Variants in ADCY6 observed in about 807,000 individuals in gnomAD.
ADCY6 encodes adenylate cyclase type 6.
A neutral mutation model predicts 111.6 loss-of-function variants in ADCY6; 59 were observed. That is an observed-to-expected ratio of 0.53 (90% CI 0.43 to 0.66). ADCY6 has a LOEUF of 0.66. ADCY6 is among the 30% of genes least tolerant of loss of function. ADCY6 has a pLI of 0.00. For missense variants in ADCY6, 1,242 were observed against 1,595.6 expected, an observed-to-expected ratio of 0.78 and a Z score of 3.78; for synonymous variants, 576 against 642.9, an observed-to-expected ratio of 0.90 and a Z score of 1.57.
At position 48,775,362 on chromosome 12, in the gene ADCY6, G is replaced by T. The variant is rs754255254; in HGVS notation, c.1921C>A (p.Arg641=). Residue 641 remains arginine (R), a synonymous_variant, in exon 11 of 22, where the codon CGG becomes AGG. Transcript: ENST00000357869. The part of the protein sequence containing the change: ...AIDARSIDQL[R]KDHVRRFLLT... ...AGAAACCGGCGCACATGGTCCTTCC[G>T]CAGCTGATCAATGCTGCGGGCATCG... 6.2e-7 allele frequency: 1 copy of T among 1,613,966 alleles called. No individual in the cohort carries two copies. The highest frequency in any genetic ancestry group is 8.5e-7 in the Non-Finnish European group (1 of 1,180,026).
In ADCY6 at chr12:48,766,566, A is replaced by T. The variant is rs1428236077; in HGVS notation, c.*2025T>A. ...CCAGGGATATGGCTGGGGACAGGGG[A>T]GTAGATTTTCTGTCTGGAAAACAAG... On this transcript the variant is annotated 3_prime_UTR_variant, in exon 22 of 22. Transcript: ENST00000357869. The T allele has an allele frequency of 2.0e-5, 3 of 152,646 alleles. No individual in the cohort carries two copies. The highest frequency in any genetic ancestry group is 7.2e-5 in the African/African-American group (3 of 41,424). 9.5% of individuals were successfully genotyped at this position (152,646 alleles called of 1,614,324 possible). A position where few individuals can be genotyped will look rare whatever the true frequency, so the allele number is the denominator to read the frequency against.
rs1203660684 is a variant in ADCY6, at chr12:48,773,640, A to G, written c.2450T>C (p.Ile817Thr). The G allele has an allele frequency of 5.6e-6, 9 of 1,613,940 alleles. No individual in the cohort carries two copies. The highest frequency in any genetic ancestry group is 3.3e-5 in the Admixed American group (2 of 60,006). Reference sequence around the variant, plus strand: ...CAAGAGACTCAGCAGCATGTTCCCGATGAAGTACTGCGGGGGTGGCAGAGG... The same window carrying G: ...CAAGAGACTCAGCAGCATGTTCCCGGTGAAGTACTGCGGGGGTGGCAGAGG... ...MPTCSFPEYFIGNMLLSLLAS... is the reference protein window; with the variant it reads ...MPTCSFPEYFTGNMLLSLLAS... Residue 817 changes from isoleucine to threonine, a missense_variant, in exon 16 of 22, where the codon ATC (isoleucine) becomes ACC (threonine). Around this residue, in one of 4 missense-constraint regions of ADCY6, gnomAD observed 375 missense variants for 432.5 expected, o/e 0.87. Coordinates refer to ENST00000357869, the MANE Select transcript of ADCY6 (RefSeq NM_015270.5).
Position 48,783,321 on chromosome 12 carries a change from G to C in ADCY6, c.114C>G (p.Phe38Leu). 1 of 1,613,878 alleles carries C rather than the reference G, an allele frequency of 6.2e-7. No homozygotes were observed. The highest frequency in any genetic ancestry group is 8.5e-7 in the Non-Finnish European group (1 of 1,179,948). The stretch of plus-strand genomic sequence containing the variant: ...GGCAGCTCATATAGCGGGGCGTGCA[G>C]AAGCCACCTGCCCGAGTGCCACGGC... ...SRRRGTRAGGFCTPRYMSCLR... is the reference protein window; with the variant it reads ...SRRRGTRAGGLCTPRYMSCLR... The change falls in exon 2 of 22, where the codon TTC becomes TTG. Residue 38 changes from phenylalanine (F) to leucine (L), a missense_variant. Phe to Leu is a conservative substitution (Grantham distance 22). Coordinates refer to ENST00000357869, the MANE Select transcript of ADCY6 (RefSeq NM_015270.5).
chr12:48,775,273 C>G (rs757301490), intron 11 of ADCY6, 30 bp downstream of exon 11: 17 of 1,613,298 alleles, frequency 1.1e-5, no homozygotes, highest in Non-Finnish European at 1.3e-5. Flanking sequence ...CTCCCCCAGC[C>G]CTTGTCCTTC....
chr12:48,786,615 G>A (rs1288482038), intron 1 of ADCY6, among the ~76,000 whole-genome samples: 4 of 152,112 alleles, frequency 2.6e-5, no homozygotes, highest in Non-Finnish European at 5.9e-5. Flanking sequence ...TGCCTGTCTC[G>A]GCCTCCCAAA....
chr12:48,772,864 C>G (rs1353105699), intron 16 of ADCY6, among the ~76,000 whole-genome samples: 1 of 152,114 alleles, frequency 6.6e-6, no homozygotes, highest in Non-Finnish European at 1.5e-5. Context: ...ATATAGTCAG[C>G]CTTCCATAAA....
chr12:48,777,073 C>T lies in ADCY6; in HGVS notation c.1376+31G>A. 2 of 1,552,666 alleles carry T rather than the reference C, an allele frequency of 1.3e-6. No individual in the cohort carries two copies. Among genetic ancestry groups the T allele is most frequent in the Non-Finnish European group, 1.7e-6 (2 of 1,148,306 alleles). On this transcript the variant is annotated intron_variant, in intron 6 of 21. Transcript: ENST00000357869. This position sits in a 1 kb window ranked among gnomAD's most constrained non-coding sequence, Gnocchi z 4.9. ...GGAGCAGTCTGGGGCACCCGCAATT[C>T]CAGGAAGCCTAGGAATGGGGCACTG...
In ADCY6 at chr12:48,771,460, AT is replaced by A. The variant is rs1941539003; in HGVS notation, c.3051+249del. On this transcript the variant is annotated intron_variant, in intron 19 of 21. Coordinates refer to ENST00000357869, the MANE Select transcript of ADCY6 (RefSeq NM_015270.5). The surrounding 1 kb of genome is among the most constrained non-coding windows in gnomAD (Gnocchi z 4.3). ...GTGACATCCACCTGGTACCTATCCT[AT>A]CCCCCTACAGATCAAGTCCTCCCCT... is the stretch of plus-strand genomic sequence containing the variant. The A allele has an allele frequency of 1.6e-6, 1 of 623,246 alleles. No homozygotes were observed. Among genetic ancestry groups the A allele is most frequent in the Non-Finnish European group, 2.9e-6 (1 of 344,988 alleles). The allele number at this position is 623,246 out of a possible 1,614,324, so 38.6% of individuals were successfully genotyped here. A position where few individuals can be genotyped will look rare whatever the true frequency, so the allele number is the denominator to read the frequency against.
chr12:48,774,476 G>A lies in ADCY6; in HGVS notation c.2209C>T (p.Arg737Cys), dbSNP rs762225071. The A allele has an allele frequency of 2.7e-5, 43 of 1,613,862 alleles. No homozygotes were observed. Among genetic ancestry groups the A allele is most frequent in the Admixed American group, 5.0e-5 (3 of 59,974 alleles). The stretch of plus-strand genomic sequence containing the variant: ...ACTGCGGTGCTATGTGCCCGTGAGC[G>A]GACAATGCTGCGGGACAGACGTTGC... ...ALQRLSRSIV[R>C]SRAHSTAVGI... Residue 737 changes from arginine (R) to cysteine (C), a missense_variant, in exon 14 of 22, where the codon CGC (arginine) becomes TGC (cysteine). Physicochemically the swap from Arg to Cys is radical, Grantham distance 180. This residue lies in a region of ADCY6 where 375 missense variants were observed against 432.5 expected (regional missense o/e 0.87). Transcript: ENST00000357869.
At chr12:48,781,598 C>G (rs1049214363) in intron 2 of ADCY6, among the ~76,000 whole-genome samples, 1 of 152,320 alleles carries the variant, frequency 6.6e-6, no homozygotes, top group Admixed American at 6.5e-5. Flanking sequence ...TCCCTGCCCC[C>G]AGGTGTGAAC....
chr12:48,780,615 T>C (rs1489317507), intron 2 of ADCY6, among the ~76,000 whole-genome samples: 2 of 151,958 alleles, frequency 1.3e-5, no homozygotes, highest in African/African-American at 4.8e-5. Context: ...GGACTGCACC[T>C]CCCCAGTCAG....
Position 48,776,627 on chromosome 12 carries a change from C to T in ADCY6, c.1377-41G>A. 6.4e-7 allele frequency: 1 copy of T among 1,573,912 alleles called. No individual in the cohort carries two copies. Among genetic ancestry groups the T allele is most frequent in the Non-Finnish European group, 8.6e-7 (1 of 1,163,182 alleles). Reference sequence around the variant, plus strand: ...CCCAGATCAGCTCCTGGCAGTCTTCCCCTCCCCCAGCCCACAACCCAGGCC... The same window carrying T: ...CCCAGATCAGCTCCTGGCAGTCTTCTCCTCCCCCAGCCCACAACCCAGGCC... On this transcript the variant is annotated intron_variant, in intron 6 of 21. Transcript: ENST00000357869. The surrounding 1 kb of genome is among the most constrained non-coding windows in gnomAD (Gnocchi z 6.1).
At position 48,777,471 on chromosome 12, in the gene ADCY6, G is replaced by A. The variant is rs1176014992; in HGVS notation, c.1187C>T (p.Thr396Ile). The A allele has an allele frequency of 6.2e-6, 10 of 1,613,118 alleles. No homozygotes were observed. Among genetic ancestry groups the A allele is most frequent in the African/African-American group, 2.7e-5 (2 of 74,046 alleles). Residue 396 changes from threonine to isoleucine, a missense_variant, in exon 5 of 22, where the codon ACT (threonine) becomes ATT (isoleucine). Transcript: ENST00000357869. This position sits in a 1 kb window ranked among gnomAD's most constrained non-coding sequence, Gnocchi z 4.9. Reference protein sequence around the residue: ...EGFTSLASQCTAQELVMTLNE... With the variant: ...EGFTSLASQCIAQELVMTLNE... ...CAGGGTCATGACCAGCTCCTGCGCA[G>A]TGCACTGGGATGCCAGGCTGGTGAA...
In ADCY6 at chr12:48,788,976, G is replaced by C. The variant is rs1366713955; in HGVS notation, c.-75C>G. ...CCCCGCGGGCTCCGGCCGGCCGGCC[G>C]GCCGTCCCGCGGTCCTCCGAGCCCG... On this transcript the variant is annotated 5_prime_UTR_variant, in exon 1 of 22. Transcript: ENST00000357869. 9.4e-6 allele frequency: 1 copy of C among 106,512 alleles called. No homozygotes were observed. The highest frequency in any genetic ancestry group is 1.8e-5 in the Non-Finnish European group (1 of 55,382). The allele number at this position is 106,512 out of a possible 1,614,324, so 6.6% of individuals were successfully genotyped here. A position where few individuals can be genotyped will look rare whatever the true frequency, so the allele number is the denominator to read the frequency against.
At position 48,768,604 on chromosome 12, in the gene ADCY6, C is replaced by A; in HGVS notation, c.3494G>T (p.Gly1165Val). The change falls in exon 22 of 22, where the codon GGC (glycine) becomes GTC (valine). Residue 1165 changes from glycine (G) to valine (V), a missense_variant. Gly to Val is a moderately radical substitution (Grantham distance 109, BLOSUM62 -3). This residue lies in a region of ADCY6 where 245 missense variants were observed against 371.3 expected (regional missense o/e 0.66). Coordinates refer to ENST00000357869, the MANE Select transcript of ADCY6 (RefSeq NM_015270.5). ...GGCTGGGCCCTGTTAACTGCTGGGG[C>A]CCCCATTGAGGAAGTAGGTGGTCAT... Reference protein sequence around the residue: ...GEMTTYFLNGGPSS With the variant: ...GEMTTYFLNGVPSS 1.2e-6 allele frequency: 2 copies of A among 1,614,082 alleles called. No individual in the cohort carries two copies. Among genetic ancestry groups the A allele is most frequent in the Non-Finnish European group, 1.7e-6 (2 of 1,179,970 alleles).
rs371352626 is a variant in ADCY6, at chr12:48,771,890, C to G, written c.2871G>C (p.Ala957=). The part of the protein sequence containing the change: ...LLHNILPKDV[A]AHFLARERRN... ...GGCGCTCCCGGGCCAGGAAGTGGGC[C>G]GCCACGTCCTTGGGCAGAATGTTAT... Residue 957 remains alanine (A), a synonymous_variant, in exon 19 of 22, where the codon GCG becomes GCC. Coordinates refer to ENST00000357869, the MANE Select transcript of ADCY6 (RefSeq NM_015270.5). This position sits in a 1 kb window ranked among gnomAD's most constrained non-coding sequence, Gnocchi z 4.3. 2.9e-5 allele frequency: 47 copies of G among 1,614,050 alleles called. No individual in the cohort carries two copies. Among genetic ancestry groups the G allele is most frequent in the Non-Finnish European group, 3.8e-5 (45 of 1,180,054 alleles).
rs778975099 is a variant in ADCY6, at chr12:48,777,161, C to T, written c.1319G>A (p.Arg440Gln). The stretch of plus-strand genomic sequence containing the variant: ...CACACAGCAGTGGGCATGGTCGGCC[C>T]GGGCCTCCGGCAGCCCTGACACACA... ...YYCVSGLPEA[R>Q]ADHAHCCVEM... The change falls in exon 6 of 22, where the codon CGG becomes CAG. Residue 440 changes from arginine (R) to glutamine (Q), a missense_variant. Around this residue, in one of 4 missense-constraint regions of ADCY6, gnomAD observed 260 missense variants for 414.6 expected, o/e 0.63. Coordinates refer to ENST00000357869, the MANE Select transcript of ADCY6 (RefSeq NM_015270.5). This position sits in a 1 kb window ranked among gnomAD's most constrained non-coding sequence, Gnocchi z 4.9. The T allele has an allele frequency of 8.7e-6, 14 of 1,613,792 alleles. No individual in the cohort carries two copies. Among genetic ancestry groups the T allele is most frequent in the African/African-American group, 5.3e-5 (4 of 74,906 alleles).
chr12:48,785,448 C>T (rs758759925), intron 1 of ADCY6, among the ~76,000 whole-genome samples: 13 of 152,066 alleles, frequency 8.5e-5, no homozygotes, highest in Admixed American at 7.2e-4. Flanking sequence ...GGTGAAACCC[C>T]ATTTCTACTA....
At chr12:48,774,607 C>T in intron 13 of ADCY6, 84 bp downstream of exon 13, 2 of 1,563,728 alleles carry the variant, frequency 1.3e-6, no homozygotes, top group Non-Finnish European at 1.8e-6. Flanking sequence ...AGAGGCATGG[C>T]CTTCTCCCTC....
Sources: gnomAD v4.1 joint callset for allele counts (sites outside exome capture counted in the v4.1 genomes callset) on GRCh38, gnomAD v4.1.1 for gene constraint, gnomAD v4.1.1 regional missense constraint, Gnocchi (gnomAD v3.1) non-coding constraint, MANE v1.5 for transcripts, NCBI Gene and HGNC (gene_info 2026-07-23, HGNC 2026-07-21) for gene names.